KCNIP3: variants seen among roughly 807,000 people sequenced by gnomAD.
KCNIP3 encodes calsenilin.
In KCNIP3, 28 loss-of-function variants were observed where a neutral mutation model predicts 35.0. The ratio of observed to expected loss-of-function variants is 0.80; its 90% confidence interval spans 0.59 to 1.10. The LOEUF is 1.10. Among genes scored for constraint, KCNIP3 ranks in the 50% least tolerant of loss-of-function variants. The pLI, the probability that KCNIP3 is intolerant of heterozygous loss-of-function variation, is 0.00. For missense variants in KCNIP3, 295 were observed against 338.4 expected (o/e 0.87, Z 1.01); for synonymous variants, 134 against 133.8 (o/e 1.00, Z -0.01).
In KCNIP3 at chr2:95,374,927, A is replaced by C. The variant is rs756362113; in HGVS notation, c.376+10A>C. The C allele has an allele frequency of 6.2e-7, 1 of 1,613,592 alleles. No homozygotes were observed. The highest frequency in any genetic ancestry group is 8.5e-7 in the Non-Finnish European group (1 of 1,179,862). The stretch of plus-strand genomic sequence containing the variant: ...TTCTTCCCTCAGGGAGGTGAGTCTG[A>C]GGCAGGGCAGCCCTGCTGTGTCCCA... On this transcript the variant is annotated intron_variant, in intron 4 of 8. Transcript: ENST00000295225.
At chr2:95,306,448 C>A (rs1001865889) in intron 1 of KCNIP3, among the ~76,000 whole-genome samples, 2 of 152,136 alleles carry the variant, frequency 1.3e-5, no homozygotes, top group East Asian at 3.9e-4. Flanking sequence ...AGAGCTGATG[C>A]GCTAAAGGGG....
intron 2 of KCNIP3, among the ~76,000 whole-genome samples, chr2:95,334,904 C>T (rs1416896656): frequency 6.6e-6 from 1 of 152,142 alleles, no homozygotes; most frequent in Non-Finnish European, 1.5e-5. Flanking sequence ...AAGACAGATT[C>T]GTTCCCCTGA....
chr2:95,301,984 G>A (rs1678045288), intron 1 of KCNIP3, among the ~76,000 whole-genome samples: 2 of 152,254 alleles, frequency 1.3e-5, no homozygotes, highest in African/African-American at 4.8e-5. Flanking sequence ...CCGACAAGGC[G>A]AGCTGCCTTG....
At position 95,384,932 on chromosome 2, in the gene KCNIP3, T is replaced by C. The variant is rs1448849791; in HGVS notation, c.*883T>C. ...CAGACTGTTCCCTCCAAGGTCCTCT[T>C]AGGTCCCGGGAGGAACGTGGTTCAG... On this transcript the variant is annotated 3_prime_UTR_variant, in exon 9 of 9. Coordinates refer to ENST00000295225, the MANE Select transcript of KCNIP3 (RefSeq NM_013434.5). 6.5e-6 allele frequency: 1 copy of C among 152,838 alleles called. No individual in the cohort carries two copies. Among genetic ancestry groups the C allele is most frequent in the African/African-American group, 2.4e-5 (1 of 41,452 alleles). 9.5% of individuals were successfully genotyped at this position (152,838 alleles called of 1,614,324 possible). A position where few individuals can be genotyped will look rare whatever the true frequency, so the allele number is the denominator to read the frequency against.
At chr2:95,362,880 T>C (rs1679834725) in intron 2 of KCNIP3, among the ~76,000 whole-genome samples, 2 of 152,208 alleles carry the variant, frequency 1.3e-5, no homozygotes, top group East Asian at 1.9e-4. Flanking sequence ...AAAAAACTTA[T>C]TTTTTCATTA....
At chr2:95,344,558 C>T (rs1039487518) in intron 2 of KCNIP3, among the ~76,000 whole-genome samples, 23 of 152,202 alleles carry the variant, frequency 1.5e-4, no homozygotes, top group African/African-American at 5.3e-4. Context: ...AGGCAGTCAT[C>T]GAAGCTCTCA....
intron 2 of KCNIP3, among the ~76,000 whole-genome samples, chr2:95,325,962 C>T (rs1678758678): frequency 6.6e-6 from 1 of 151,178 alleles, no homozygotes; most frequent in Non-Finnish European, 1.5e-5. Flanking sequence ...CATACACACA[C>T]TCATAGGCAC....
In KCNIP3 at chr2:95,348,174, G is replaced by A. The variant is rs527461468; in HGVS notation, c.182-26122G>A. ...TGAGTGTATGAGGCCCAGAGAGAAC[G>A]GGCTTGCTCCAAGTGGTTCAGAGGG... On this transcript the variant is annotated intron_variant, in intron 2 of 8. Coordinates refer to ENST00000295225, the MANE Select transcript of KCNIP3 (RefSeq NM_013434.5). Among the ~76,000 whole-genome samples the A allele has an allele frequency of 3.7e-4, 56 of 152,356 alleles. 2 individuals are homozygous for A. In the South Asian group the frequency reaches 0.011, roughly 29 times the overall value.
intron 2 of KCNIP3, among the ~76,000 whole-genome samples, chr2:95,354,287 C>T (rs1679599418): frequency 6.6e-6 from 1 of 152,246 alleles, no homozygotes; most frequent in South Asian, 2.1e-4. Flanking sequence ...CTTAGGGCCT[C>T]ACGGTATGCC....
At chr2:95,324,523 G>GATAAATAAATAAATAAATAA (rs140027632) in intron 2 of KCNIP3, among the ~76,000 whole-genome samples, 59 of 145,760 alleles carry the variant, frequency 4.0e-4, no homozygotes, top group East Asian at 6.1e-4. Context: ...AAAATAAATA[G>GATAAATAAATAAATAAATAA]ATAAATAAAT....
At chr2:95,329,824 C>T (rs1678883072) in intron 2 of KCNIP3, among the ~76,000 whole-genome samples, 1 of 152,266 alleles carries the variant, frequency 6.6e-6, no homozygotes, top group South Asian at 2.1e-4. Flanking sequence ...TGAGATGCCC[C>T]TGCTTACTCA....
chr2:95,374,533 T>C, intron 3 of KCNIP3, 113 bp downstream of exon 3: 1 of 1,348,216 alleles, frequency 7.4e-7, no homozygotes, highest in South Asian at 1.4e-5. Flanking sequence ...GGCTTATGTG[T>C]TGTGGGAAAG....
At chr2:95,375,760 T>C (rs979133582) in intron 5 of KCNIP3, among the ~76,000 whole-genome samples, 3 of 152,080 alleles carry the variant, frequency 2.0e-5, no homozygotes, top group African/African-American at 7.2e-5. Flanking sequence ...GGTCCTGGCC[T>C]GGGCTCCTCC....
intron 2 of KCNIP3, among the ~76,000 whole-genome samples, chr2:95,326,204 CAT>C (rs929828754): frequency 1.7e-4 from 26 of 151,598 alleles, no homozygotes; most frequent in Middle Eastern, 3.4e-3. Context: ...TACACGCACT[CAT>C]ATACACACAC....
intron 2 of KCNIP3, among the ~76,000 whole-genome samples, chr2:95,342,766 C>T (rs1410234445): frequency 6.6e-6 from 1 of 152,186 alleles, no homozygotes; most frequent in Non-Finnish European, 1.5e-5. Flanking sequence ...TATCCTGGCT[C>T]CCGTCTGGTG....
At chr2:95,354,055 G>C (rs552989588) in intron 2 of KCNIP3, among the ~76,000 whole-genome samples, 70 of 152,336 alleles carry the variant, frequency 4.6e-4, no homozygotes, top group Non-Finnish European at 9.7e-4. Flanking sequence ...AGGACTGGGA[G>C]TGCCACTTCA....
At chr2:95,343,508 TC>T (rs1457813308) in intron 2 of KCNIP3, among the ~76,000 whole-genome samples, 1 of 151,934 alleles carries the variant, frequency 6.6e-6, no homozygotes, top group African/African-American at 2.4e-5. Flanking sequence ...ACGGAATGGG[TC>T]CCTCAAACAG....
At chr2:95,366,085 A>G (rs1327012490) in intron 2 of KCNIP3, among the ~76,000 whole-genome samples, 1 of 152,164 alleles carries the variant, frequency 6.6e-6, no homozygotes, top group African/African-American at 2.4e-5. Context: ...GGGCTCAAGC[A>G]GTCCTCCCAC....
intron 1 of KCNIP3, among the ~76,000 whole-genome samples, chr2:95,301,155 C>T (rs1678017266): frequency 6.6e-6 from 1 of 152,240 alleles, no homozygotes; most frequent in African/African-American, 2.4e-5. Flanking sequence ...CACCTCTGCC[C>T]CACTGACTCA....
Sources: gnomAD v4.1 joint callset for allele counts (sites outside exome capture counted in the v4.1 genomes callset) on GRCh38, gnomAD v4.1.1 for gene constraint, MANE v1.5 for transcripts, NCBI Gene and HGNC (gene_info 2026-07-23, HGNC 2026-07-21) for gene names.